The following ZMYND11 variants were observed in gnomAD, a reference collection of about 807,000 sequenced individuals.
The protein encoded by ZMYND11 is zinc finger MYND domain-containing protein 11.
Under a neutral mutation model 84.9 loss-of-function variants are expected in ZMYND11, and 9 were observed. The ratio of observed to expected loss-of-function variants is 0.11; its 90% CI spans 0.06 to 0.18. The LOEUF (loss-of-function observed/expected upper bound fraction) is 0.18, where lower values mean the gene tolerates loss of function less well. ZMYND11 is among the 10% of genes least tolerant of loss of function. ZMYND11 has a pLI of 1.00. For missense variants in ZMYND11, 409 were observed against 761.0 expected (o/e 0.54, Z 5.44); for synonymous variants, 250 against 244.1 (o/e 1.02, Z -0.23).
chr10:239,619 A>C (rs1950554358), intron 7 of ZMYND11, 94 bp downstream of exon 7: 1 of 873,190 alleles, frequency 1.1e-6, no homozygotes, highest in Non-Finnish European at 1.8e-6. Context: ...ACTTTCAAAG[A>C]ATTAATACCT....
At chr10:196,799 A>C (rs1941857233) in intron 2 of ZMYND11, among the ~76,000 whole-genome samples, 1 of 152,218 alleles carries the variant, frequency 6.6e-6, no homozygotes, top group African/African-American at 2.4e-5. Flanking sequence ...TCAACTGGCA[A>C]ACAGAGAAAA....
intron 1 of ZMYND11, among the ~76,000 whole-genome samples, chr10:171,421 A>G (rs1357050188): frequency 1.3e-5 from 2 of 152,196 alleles, no homozygotes; most frequent in African/African-American, 2.4e-5. Flanking sequence ...ATTCGATGCC[A>G]TAAAACAGAC....
At chr10:227,233 T>TGGTGGTTCTTCCACGTTA (rs1234723953) in intron 4 of ZMYND11, among the ~76,000 whole-genome samples, 28 of 152,340 alleles carry the variant, frequency 1.8e-4, no homozygotes, top group Non-Finnish European at 3.1e-4. Flanking sequence ...GAGAGCTGTT[T>TGGTGGTTCTTCCACGTTA]GGTGGTTCTT....
intron 4 of ZMYND11, among the ~76,000 whole-genome samples, chr10:231,823 C>A (rs891630178): frequency 2.6e-5 from 4 of 152,200 alleles, no homozygotes; most frequent in Non-Finnish European, 5.9e-5. Context: ...AGTTCTTACG[C>A]AAACGTCTAC....
intron 1 of ZMYND11, among the ~76,000 whole-genome samples, chr10:151,178 A>G (rs1037334402): frequency 2.0e-5 from 3 of 152,198 alleles, no homozygotes; most frequent in Admixed American, 6.5e-5. Flanking sequence ...CTCCAAAGGA[A>G]CGCAGTCCTC....
intron 6 of ZMYND11, 93 bp downstream of exon 6, chr10:237,770 C>A: frequency 1.1e-6 from 1 of 881,672 alleles, no homozygotes; most frequent in South Asian, 2.0e-5. Context: ...TTTGGTTGCT[C>A]TTCTTTCCTT....
chr10:231,721 G>A (rs559601461), intron 4 of ZMYND11, among the ~76,000 whole-genome samples: 4 of 152,194 alleles, frequency 2.6e-5, no homozygotes, highest in Non-Finnish European at 5.9e-5. Flanking sequence ...TAGCCTGGCA[G>A]TTACTTACAA....
At chr10:246,610 TA>T (rs1952212494) in intron 10 of ZMYND11, among the ~76,000 whole-genome samples, 155 bp from the exon 11 acceptor site, 1 of 152,164 alleles carries the variant, frequency 6.6e-6, no homozygotes, top group East Asian at 1.9e-4. Context: ...CAATTAAAAG[TA>T]ACGGCAGAAC....
intron 4 of ZMYND11, among the ~76,000 whole-genome samples, chr10:232,223 C>G (rs971626169): frequency 1.3e-5 from 2 of 152,222 alleles, no homozygotes; most frequent in African/African-American, 4.8e-5. Context: ...GTCTGGCTGA[C>G]AGGTACCAGC....
At chr10:148,607 A>G (rs1416360640) in intron 1 of ZMYND11, 11 of 152,242 alleles carry the variant, frequency 7.2e-5, no homozygotes, top group Admixed American at 6.5e-5. Flanking sequence ...TAATTTCCAC[A>G]GGTTTATTTT....
intron 1 of ZMYND11, among the ~76,000 whole-genome samples, chr10:176,110 T>C (rs1277631750): frequency 2.6e-5 from 4 of 152,190 alleles, no homozygotes; most frequent in Admixed American, 2.6e-4. Flanking sequence ...TTTTCTCCTT[T>C]ATTCTCCCTT....
intron 3 of ZMYND11, 32 bp from the exon 4 acceptor site, chr10:221,163 G>A (rs769949563): frequency 6.2e-7 from 1 of 1,600,288 alleles, no homozygotes. Context: ...TTGACAAAAT[G>A]TCATACAAAA....
chr10:187,330 T>A (rs1014007546), intron 2 of ZMYND11, among the ~76,000 whole-genome samples: 7 of 152,174 alleles, frequency 4.6e-5, no homozygotes, highest in African/African-American at 1.7e-4. Context: ...ATGTTTTGAA[T>A]ATTTCAGATA....
In ZMYND11 at chr10:242,220, A is replaced by ATGCATGAAGTTTAT; in HGVS notation, c.950+83_950+96dup. The ATGCATGAAGTTTAT allele has an allele frequency of 2.0e-6, 3 of 1,521,124 alleles. No homozygotes were observed. In the Admixed American group the frequency reaches 6.3e-5, roughly 32 times the overall value. The allele number at this position is 1,521,124 out of a possible 1,614,324, so 94.2% of individuals were successfully genotyped here. ...AAGTTTGATGATTTCTCCATCAGAGATGCATGAAGTTTATTTTAAATTGGA... is the reference window on the plus strand; with the variant it reads ...AAGTTTGATGATTTCTCCATCAGAGATGCATGAAGTTTATTGCATGAAGTTTATTTTAAATTGGA... On this transcript the variant is annotated intron_variant, in intron 10 of 14. Coordinates refer to ENST00000381604, the MANE Select transcript of ZMYND11 (RefSeq NM_001370100.5).
intron 2 of ZMYND11, among the ~76,000 whole-genome samples, chr10:181,738 T>C (rs901393593): frequency 6.6e-6 from 1 of 152,088 alleles, no homozygotes; most frequent in Non-Finnish European, 1.5e-5. Flanking sequence ...TTTAAAGCTA[T>C]GTACAACTCC....
At chr10:165,293 A>ACTT (rs1202174652) in intron 1 of ZMYND11, among the ~76,000 whole-genome samples, 1 of 152,006 alleles carries the variant, frequency 6.6e-6, no homozygotes, top group Non-Finnish European at 1.5e-5. Context: ...CCTTCACTGG[A>ACTT]CTTCTGTAAG....
intron 3 of ZMYND11, among the ~76,000 whole-genome samples, chr10:217,440 T>G (rs2131370723): frequency 6.6e-6 from 1 of 150,660 alleles, no homozygotes; most frequent in East Asian, 2.0e-4. Flanking sequence ...CAAGAATTGC[T>G]GGAACCTGGG....
intron 2 of ZMYND11, among the ~76,000 whole-genome samples, chr10:193,319 A>T (rs1400433454): frequency 6.6e-6 from 1 of 152,144 alleles, no homozygotes; most frequent in Non-Finnish European, 1.5e-5. Context: ...CTTTTGGGAG[A>T]TATTTTAGGG....
chr10:174,374 C>T (rs1395744668), intron 1 of ZMYND11, among the ~76,000 whole-genome samples: 1 of 152,202 alleles, frequency 6.6e-6, no homozygotes, highest in Non-Finnish European at 1.5e-5. Context: ...GTAAAAAGAC[C>T]AGTGGTTGCC....
Sources: gnomAD v4.1 joint callset for allele counts (sites outside exome capture counted in the v4.1 genomes callset) on GRCh38, gnomAD v4.1.1 for gene constraint, MANE v1.5 for transcripts, NCBI Gene and HGNC (gene_info 2026-07-23, HGNC 2026-07-21) for gene names.